The following RMDN2 variants were observed in gnomAD, a reference collection of about 807,000 sequenced individuals.
The protein encoded by RMDN2 is regulator of microtubule dynamics protein 2.
Under a neutral mutation model 52.8 loss-of-function variants are expected in RMDN2, and 61 were observed. That is an observed-to-expected ratio of 1.16 (90% CI 0.94 to 1.43). The LOEUF (loss-of-function observed/expected upper bound fraction) is 1.43. Among genes scored for constraint, RMDN2 ranks in the 40% most tolerant of loss-of-function variants. The pLI is 0.00. For missense variants in RMDN2, 592 were observed against 475.3 expected (o/e 1.25, Z -2.28); for synonymous variants, 180 against 153.1 (o/e 1.18, Z -1.30).
At chr2:38,050,392 A>C (rs1372037393) in intron 10 of RMDN2, among the ~76,000 whole-genome samples, 2 of 151,946 alleles carry the variant, frequency 1.3e-5, no homozygotes, top group Non-Finnish European at 2.9e-5. Flanking sequence ...ATATATCCCC[A>C]CATACAGCCC....
At chr2:37,956,119 G>A (rs1669423616) in intron 2 of RMDN2, among the ~76,000 whole-genome samples, 1 of 152,182 alleles carries the variant, frequency 6.6e-6, no homozygotes, top group Non-Finnish European at 1.5e-5. Context: ...GTTTGAGGAA[G>A]ACTGCTGTTA....
At chr2:38,057,917 T>G (rs905336116) in intron 10 of RMDN2, among the ~76,000 whole-genome samples, 16 of 152,216 alleles carry the variant, frequency 1.1e-4, no homozygotes, top group Non-Finnish European at 2.4e-4. Context: ...CTGTACAGCC[T>G]GCAGAACCGT....
At chr2:37,937,511 G>C (rs1667408293) in intron 2 of RMDN2, among the ~76,000 whole-genome samples, 1 of 152,118 alleles carries the variant, frequency 6.6e-6, no homozygotes, top group South Asian at 2.1e-4. Flanking sequence ...TCACAATATT[G>C]ATTCTTCCTA....
chr2:37,972,140 G>A (rs1203423303), intron 2 of RMDN2, among the ~76,000 whole-genome samples: 3 of 152,038 alleles, frequency 2.0e-5, no homozygotes, highest in Non-Finnish European at 4.4e-5. Flanking sequence ...ATTTAATTAT[G>A]TTTGTAGTTT....
chr2:37,998,566 G>A (rs758039861), intron 8 of RMDN2, among the ~76,000 whole-genome samples: 8 of 152,012 alleles, frequency 5.3e-5, no homozygotes, highest in Admixed American at 3.9e-4. Flanking sequence ...GCTAATATTT[G>A]TGCTGTATTT....
At chr2:38,038,209 TCTTAGA>T (rs573183620) in intron 10 of RMDN2, among the ~76,000 whole-genome samples, 288 of 152,220 alleles carry the variant, frequency 1.9e-3, no homozygotes, top group African/African-American at 6.4e-3. Flanking sequence ...CACTGGAGGC[TCTTAGA>T]CTTAGACGCA....
rs776496559 is a variant in RMDN2 at position 37,951,404 on chromosome 2, GTTA to G, written c.452+21680_452+21682del. ...TCAATGCAGCCAAAGCAAGTAGAAG[GTTA>G]TTATCTGTATCAAGTCCATCTTTCT... On this transcript the variant is annotated intron_variant, in intron 2 of 10. Transcript: ENST00000354545. The G allele has an allele frequency of 1.1e-4, 173 of 1,613,042 alleles. No homozygotes were observed. The Middle Eastern group carries it at 2.8e-3, about 26-fold the overall frequency.
At position 38,017,584 on chromosome 2, in the gene RMDN2, T is replaced by C; in HGVS notation, c.*345T>C. 8.2e-7 allele frequency: 1 copy of C among 1,226,490 alleles called. No homozygotes were observed. Among genetic ancestry groups the C allele is most frequent in the South Asian group, 1.4e-5 (1 of 73,714 alleles). The allele number at this position is 1,226,490 out of a possible 1,614,324, so 76.0% of individuals were successfully genotyped here. ...TTTTATTGTTTCAATGGAGACTTCG[T>C]AAGACAAAATAATTTCATTAATGTG... On this transcript the variant is annotated 3_prime_UTR_variant, in exon 11 of 11. Coordinates refer to ENST00000354545, the MANE Select transcript of RMDN2 (RefSeq NM_001170791.3).
intron 2 of RMDN2, among the ~76,000 whole-genome samples, chr2:37,969,790 GTAT>G (rs34700718): frequency 0.34 from 51,111 of 151,852 alleles, 10,720 homozygotes; most frequent in South Asian, 0.51. Context: ...AGTGTGAAAT[GTAT>G]TATTGTATTT....
chr2:38,018,063 G>A (rs1027843461), downstream of RMDN2, among the ~76,000 whole-genome samples: 2 of 152,038 alleles, frequency 1.3e-5, no homozygotes, highest in Admixed American at 1.3e-4. Context: ...CTTTTGTGGT[G>A]GAATGTCATC....
At chr2:37,980,345 C>A (rs1673138659) in intron 4 of RMDN2, among the ~76,000 whole-genome samples, 1 of 152,060 alleles carries the variant, frequency 6.6e-6, no homozygotes, top group Admixed American at 6.5e-5. Flanking sequence ...GCTCTGTCCC[C>A]CAGGCTGGAG....
chr2:37,923,361 T>C (rs1200717127), upstream of RMDN2: 2 of 152,180 alleles, frequency 1.3e-5, no homozygotes, highest in Non-Finnish European at 2.9e-5. Context: ...CCTCTTGGAA[T>C]AGACTGGTAA....
upstream of RMDN2, among the ~76,000 whole-genome samples, chr2:37,922,532 T>C (rs938816936): frequency 6.6e-5 from 10 of 152,152 alleles, no homozygotes; most frequent in African/African-American, 2.2e-4. Context: ...AGTTATCTAA[T>C]ATAGAGGGTG....
At chr2:37,929,111 A>G (rs1045964675) in intron 1 of RMDN2, among the ~76,000 whole-genome samples, 151 bp from the exon 2 acceptor site, 2 of 152,074 alleles carry the variant, frequency 1.3e-5, no homozygotes, top group African/African-American at 2.4e-5. Flanking sequence ...GTATACTTCC[A>G]TTTGTCCTTT....
At chr2:38,047,171 C>G (rs958116431) in intron 10 of RMDN2, among the ~76,000 whole-genome samples, 1 of 152,064 alleles carries the variant, frequency 6.6e-6, no homozygotes, top group Non-Finnish European at 1.5e-5. Context: ...TGAGTTTCCT[C>G]AGAAGAAATA....
chr2:37,936,392 C>A (rs951427707), intron 2 of RMDN2, among the ~76,000 whole-genome samples: 1 of 152,144 alleles, frequency 6.6e-6, no homozygotes, highest in African/African-American at 2.4e-5. Flanking sequence ...GCTTTATGAT[C>A]CTTTGGGTAT....
At chr2:37,984,075 T>C (rs966263090) in intron 5 of RMDN2, among the ~76,000 whole-genome samples, 1 of 152,236 alleles carries the variant, frequency 6.6e-6, no homozygotes, top group Non-Finnish European at 1.5e-5. Context: ...ACAAAAGATG[T>C]AATCTTTAAG....
At chr2:38,057,187 G>C (rs1173103210) in intron 10 of RMDN2, among the ~76,000 whole-genome samples, 2 of 152,218 alleles carry the variant, frequency 1.3e-5, no homozygotes, top group Non-Finnish European at 2.9e-5. Flanking sequence ...GTGCAGACCA[G>C]GATTGGCAAA....
intron 2 of RMDN2, among the ~76,000 whole-genome samples, chr2:37,967,430 C>G (rs1417319980): frequency 6.6e-6 from 1 of 152,118 alleles, no homozygotes; most frequent in Non-Finnish European, 1.5e-5. Context: ...ATCCTGAAGA[C>G]AAAGTACAAT....
Sources: gnomAD v4.1 joint callset for allele counts (sites outside exome capture counted in the v4.1 genomes callset) on GRCh38, gnomAD v4.1.1 for gene constraint, MANE v1.5 for transcripts, NCBI Gene and HGNC (gene_info 2026-07-23, HGNC 2026-07-21) for gene names.